LSM12: variants seen among roughly 807,000 people sequenced by gnomAD.
LSM12 encodes the protein protein LSM12.
For synonymous variants in LSM12, 74 were observed against 87.3 expected (o/e 0.85, Z 0.85); for missense variants, 108 against 238.9 (o/e 0.45, Z 3.61).
intron 2 of LSM12, among the ~76,000 whole-genome samples, chr17:44,042,202 G>C (rs927566893): frequency 1.3e-5 from 2 of 151,782 alleles, no homozygotes; most frequent in African/African-American, 4.8e-5. Flanking sequence ...CAGGAGAATC[G>C]CTTGAACACG....
intron 2 of LSM12, 193 bp from the exon 3 acceptor site, chr17:44,040,449 GTTCC>G (rs149954731): frequency 7.8e-6 from 4 of 511,492 alleles, no homozygotes; most frequent in Non-Finnish European, 1.1e-5. Context: ...CCAAGAAAAC[GTTCC>G]TTCCTTCCTT....
At chr17:44,063,556 C>T (rs1363969497) in intron 2 of LSM12, among the ~76,000 whole-genome samples, 1 of 152,114 alleles carries the variant, frequency 6.6e-6, no homozygotes, top group African/African-American at 2.4e-5. Flanking sequence ...TTTAAAAAGT[C>T]CTCTTTCATA....
chr17:44,036,799 T>C (rs1194722957), intron 4 of LSM12: 1 of 159,124 alleles, frequency 6.3e-6, no homozygotes, highest in Non-Finnish European at 1.4e-5. Flanking sequence ...CAACCAGATC[T>C]TTCTAGAATG....
intron 2 of LSM12, among the ~76,000 whole-genome samples, chr17:44,047,600 T>A (rs943533959): frequency 6.6e-6 from 1 of 152,034 alleles, no homozygotes; most frequent in South Asian, 2.1e-4. Context: ...TCTTGCTCTG[T>A]TGCCCAGGCT....
intron 2 of LSM12, among the ~76,000 whole-genome samples, chr17:44,056,089 G>A (rs2049709906): frequency 6.6e-6 from 1 of 150,950 alleles, no homozygotes; most frequent in Non-Finnish European, 1.5e-5. Flanking sequence ...CCAACACAGA[G>A]AAACCCCATC....
chr17:44,051,617 A>G (rs1161778334), intron 2 of LSM12, among the ~76,000 whole-genome samples: 1 of 152,128 alleles, frequency 6.6e-6, no homozygotes, highest in East Asian at 1.9e-4. Context: ...CTAAAAAAAT[A>G]CAGTACTCTA....
At chr17:44,044,338 AC>A (rs1210456150) in intron 2 of LSM12, among the ~76,000 whole-genome samples, 2 of 151,110 alleles carry the variant, frequency 1.3e-5, no homozygotes, top group African/African-American at 2.4e-5. Context: ...TTCAAAATAC[AC>A]CCCCCACCCC....
At chr17:44,046,273 T>A (rs1255885418) in intron 2 of LSM12, among the ~76,000 whole-genome samples, 1 of 152,158 alleles carries the variant, frequency 6.6e-6, no homozygotes, top group Non-Finnish European at 1.5e-5. Context: ...TTTTGCTTTT[T>A]AAAAGTAAAA....
chr17:44,037,260 C>A, intron 4 of LSM12, 152 bp downstream of exon 4: 2 of 882,206 alleles, frequency 2.3e-6, no homozygotes, highest in Non-Finnish European at 3.3e-6. Context: ...GACTGCAGAA[C>A]CCCACAGTAC....
intron 2 of LSM12, among the ~76,000 whole-genome samples, chr17:44,054,499 A>G (rs2049685240): frequency 6.6e-6 from 1 of 152,100 alleles, no homozygotes; most frequent in South Asian, 2.1e-4. Context: ...TTGTACAGAC[A>G]GGGTCTATGT....
At chr17:44,043,046 T>C (rs2049515966) in intron 2 of LSM12, among the ~76,000 whole-genome samples, 1 of 152,188 alleles carries the variant, frequency 6.6e-6, no homozygotes, top group Non-Finnish European at 1.5e-5. Context: ...AAGTGTCTAA[T>C]TCTTTGTTTA....
intron 2 of LSM12, among the ~76,000 whole-genome samples, chr17:44,054,626 G>A (rs140415299): frequency 6.6e-6 from 1 of 151,680 alleles, no homozygotes; most frequent in African/African-American, 2.4e-5. Context: ...TTTTAAAATG[G>A]CAATAAATTA....
Position 44,063,784 on chromosome 17 carries a change from T to C in LSM12, c.258+17A>G, listed in dbSNP as rs2049831119. On this transcript the variant is annotated intron_variant, in intron 2 of 4. Transcript: ENST00000293406. ...TCCCACCATTTTAGAGAGCCAGATC[T>C]GCCCTTGAGTCCTTACCTTACTAAC... is the stretch of plus-strand genomic sequence containing the variant. The C allele has an allele frequency of 1.2e-6, 2 of 1,606,484 alleles. No individual in the cohort carries two copies. Among genetic ancestry groups the C allele is most frequent in the African/African-American group, 1.3e-5 (1 of 74,866 alleles).
chr17:44,036,447 C>A, intron 4 of LSM12, 147 bp from the exon 5 acceptor site: 1 of 1,032,934 alleles, frequency 9.7e-7, no homozygotes, highest in East Asian at 2.6e-5. Context: ...TATTGGCCTT[C>A]CCAACCACAA....
At chr17:44,067,581 A>G (rs554576074), upstream of LSM12, 1 of 152,316 alleles carries the variant, frequency 6.6e-6, no homozygotes, top group African/African-American at 2.4e-5. Context: ...ACTAGCAAAA[A>G]CAGTCTGCCT....
chr17:44,063,732 T>C, intron 2 of LSM12, 69 bp downstream of exon 2: 1 of 1,447,832 alleles, frequency 6.9e-7, no homozygotes, highest in Non-Finnish European at 9.2e-7. Flanking sequence ...CAACAATGTA[T>C]CACTAAGACT....
intron 2 of LSM12, among the ~76,000 whole-genome samples, chr17:44,054,731 T>C (rs1250113688): frequency 6.6e-6 from 1 of 152,192 alleles, no homozygotes; most frequent in East Asian, 1.9e-4. Flanking sequence ...CCCACCTGTA[T>C]CTTCCTGATG....
chr17:44,054,842 T>C (rs1417321961), intron 2 of LSM12, among the ~76,000 whole-genome samples: 1 of 151,606 alleles, frequency 6.6e-6, no homozygotes, highest in Admixed American at 6.6e-5. Context: ...TTTTTCTTTT[T>C]TTTTTTTTAA....
chr17:44,037,308 A>G (rs2049429231), intron 4 of LSM12, 104 bp downstream of exon 4: 7 of 1,337,400 alleles, frequency 5.2e-6, no homozygotes, highest in Non-Finnish European at 6.9e-6. Flanking sequence ...CTCTGCTGCT[A>G]GAGGAGGCAG....
Sources: allele counts gnomAD v4.1 joint callset (sites outside exome capture counted in the v4.1 genomes callset), GRCh38; gene constraint gnomAD v4.1.1; transcripts MANE v1.5; gene names NCBI Gene and HGNC (gene_info 2026-07-23, HGNC 2026-07-21).